The following CLCN4 variants were observed in gnomAD, a reference collection of about 807,000 sequenced individuals.
The protein encoded by CLCN4 is Cl-/H+ antiporter 4, also known as H(+)/Cl(-) exchange transporter 4.
In CLCN4, 1 loss-of-function variant was observed where a neutral mutation model predicts 41.7. The observed-to-expected ratio is 0.02, with a 90% confidence interval of 0.01 to 0.11. The LOEUF is 0.11. Among genes scored for constraint, CLCN4 ranks in the 10% least tolerant of loss-of-function variants. The pLI is 1.00. For missense variants in CLCN4, 287 were observed against 661.0 expected, an observed-to-expected ratio of 0.43 and a Z score of 6.20; for synonymous variants, 277 against 285.8, an observed-to-expected ratio of 0.97 and a Z score of 0.31.
chrX:10,190,761 T>C lies in CLCN4; in HGVS notation c.244+3147T>C, dbSNP rs760497611. On this transcript the variant is annotated intron_variant, in intron 4 of 12. Coordinates refer to ENST00000380833, the MANE Select transcript of CLCN4 (RefSeq NM_001830.4). The stretch of plus-strand genomic sequence containing the variant: ...CTTCAAAACATCATGTTGTATATGA[T>C]TACAACATACAATCTTATGTGTCCA... Among the ~76,000 whole-genome samples the C allele has an allele frequency of 4.5e-5, 5 of 112,252 alleles. No homozygotes were observed. In the Admixed American group the frequency reaches 4.7e-4, roughly 11 times the overall value.
chrX:10,229,386 AATAT>A (rs778644562), intron 12 of CLCN4, among the ~76,000 whole-genome samples: 6 of 102,677 alleles, frequency 5.8e-5, no homozygotes, highest in African/African-American at 1.6e-4. Context: ...AGATTTTTAA[AATAT>A]ATATATATAT....
At chrX:10,175,406 C>G (rs1923493417) in intron 2 of CLCN4, among the ~76,000 whole-genome samples, 1 of 111,309 alleles carries the variant, frequency 9.0e-6, no homozygotes, top group African/African-American at 3.3e-5. Context: ...GCAGTGAAGC[C>G]CCCTCTGAGA....
At chrX:10,221,080 G>T (rs1924848921) in intron 12 of CLCN4, among the ~76,000 whole-genome samples, 1 of 111,336 alleles carries the variant, frequency 9.0e-6, no homozygotes, top group Admixed American at 9.5e-5. Flanking sequence ...CAGAGAAGGG[G>T]GTGGTCCAGG....
At chrX:10,167,144 CT>C (rs1485118766) in intron 2 of CLCN4, among the ~76,000 whole-genome samples, 1 of 112,159 alleles carries the variant, frequency 8.9e-6, no homozygotes, top group Non-Finnish European at 1.9e-5. Flanking sequence ...TCTGAACATC[CT>C]TTTGCTCTGA....
At chrX:10,191,843 A>G (rs2147170848) in intron 4 of CLCN4, among the ~76,000 whole-genome samples, 1 of 108,459 alleles carries the variant, frequency 9.2e-6, no homozygotes, top group South Asian at 4.1e-4. Context: ...CCTGGCCCTT[A>G]TACTTTTTAA....
chrX:10,209,829 CTTT>C (rs58207034), intron 9 of CLCN4, among the ~76,000 whole-genome samples: 1 of 97,635 alleles, frequency 1.0e-5, no homozygotes. Flanking sequence ...GTTATTATAG[CTTT>C]TTTTTTTTTT....
chrX:10,160,520 C>T (rs1373060046), intron 2 of CLCN4, among the ~76,000 whole-genome samples: 2 of 111,333 alleles, frequency 1.8e-5, no homozygotes, highest in African/African-American at 6.5e-5. Context: ...CGTCCCTGGA[C>T]GTAGTCTAAC....
chrX:10,202,758 A>G (rs1466721691), intron 6 of CLCN4, among the ~76,000 whole-genome samples: 1 of 110,149 alleles, frequency 9.1e-6, no homozygotes, highest in Admixed American at 9.8e-5. Context: ...TTTTGTCAGT[A>G]GAACCACTGT....
intron 2 of CLCN4, among the ~76,000 whole-genome samples, chrX:10,163,564 G>A (rs923481201): frequency 1.2e-4 from 13 of 109,807 alleles, no homozygotes; most frequent in African/African-American, 3.0e-4. Context: ...GCACCACCAC[G>A]CCTGGCTAAT....
chrX:10,178,726 C>G (rs1923597475), intron 2 of CLCN4, among the ~76,000 whole-genome samples: 3 of 111,561 alleles, frequency 2.7e-5, no homozygotes, highest in African/African-American at 9.8e-5. Flanking sequence ...GTAGTAGCCA[C>G]TGGGGCCCAT....
chrX:10,165,910 A>G lies in CLCN4; in HGVS notation c.-12+7359A>G, dbSNP rs1281261348. 2.7e-5 allele frequency among the ~76,000 whole-genome samples: 3 copies of G among 112,014 alleles called. No individual in the cohort carries two copies. In the South Asian group the frequency reaches 1.1e-3, roughly 42 times the overall value. On this transcript the variant is annotated intron_variant, in intron 2 of 12. Transcript: ENST00000380833. Reference sequence around the variant, plus strand: ...TCTCTTCACCGTGGCGTCCCGGGCCACCAGGAACAGCACATGAACGCGGTT... The same window carrying G: ...TCTCTTCACCGTGGCGTCCCGGGCCGCCAGGAACAGCACATGAACGCGGTT...
intron 4 of CLCN4, among the ~76,000 whole-genome samples, chrX:10,194,283 A>G (rs909466119): frequency 1.8e-5 from 2 of 111,848 alleles, no homozygotes; most frequent in East Asian, 2.8e-4. Context: ...AAGAGACCCA[A>G]GGCCGCCTTT....
At chrX:10,215,995 T>C (rs946393894) in intron 11 of CLCN4, among the ~76,000 whole-genome samples, 2 of 111,663 alleles carry the variant, frequency 1.8e-5, no homozygotes, top group African/African-American at 6.5e-5. Context: ...CCTGTGGAAA[T>C]AGAAGAGCCC....
chrX:10,200,057 T>G (rs1427616856), intron 6 of CLCN4, among the ~76,000 whole-genome samples: 1 of 112,353 alleles, frequency 8.9e-6, no homozygotes, highest in African/African-American at 3.2e-5. Context: ...GGCCTTCTTG[T>G]TTTTTTATTG....
rs754101660 is a variant in CLCN4 at position 10,197,962 on chromosome X, T to C, written c.456T>C (p.Asn152=). Reference sequence around the variant, plus strand: ...AGGGTGCCAGTGCTTACATTCTGAATTACTTAATGTACATCCTATGGGCGC... The same window carrying C: ...AGGGTGCCAGTGCTTACATTCTGAACTACTTAATGTACATCCTATGGGCGC... ...QSEGASAYIL[N]YLMYILWALL... Residue 152 remains asparagine (N), a synonymous_variant, in exon 6 of 13, where the codon AAT becomes AAC. Coordinates refer to ENST00000380833, the MANE Select transcript of CLCN4 (RefSeq NM_001830.4). 34 of 1,208,111 alleles carry C rather than the reference T, an allele frequency of 2.8e-5. No individual in the cohort carries two copies. The highest frequency in any genetic ancestry group is 3.8e-5 in the Non-Finnish European group (34 of 894,177).
Position 10,213,766 on chromosome X carries a change from G to A in CLCN4, c.1662G>A (p.Ala554=), listed in dbSNP as rs1417370574. 7.4e-6 allele frequency: 9 copies of A among 1,210,412 alleles called. No individual in the cohort carries two copies. The highest frequency in any genetic ancestry group is 2.2e-5 in the Admixed American group (1 of 45,857). ...TGGAGTACATCGTGCCCCTGATGGC[G>A]GCGGCTGTGACCAGCAAGTGGGTAG... ...GGLEYIVPLM[A]AAVTSKWVAD... is the part of the protein sequence containing the mutation. The change falls in exon 11 of 13, where the codon GCG becomes GCA. Residue 554 remains alanine (A), a synonymous_variant. Coordinates refer to ENST00000380833, the MANE Select transcript of CLCN4 (RefSeq NM_001830.4).
intron 2 of CLCN4, among the ~76,000 whole-genome samples, chrX:10,176,754 T>G (rs1923543109): frequency 1.8e-5 from 2 of 112,225 alleles, no homozygotes; most frequent in Non-Finnish European, 3.8e-5. Flanking sequence ...ATAGAGCAAG[T>G]TGGCAAATAA....
At position 10,214,015 on chromosome X, in the gene CLCN4, G is replaced by A. The variant is rs1178852696; in HGVS notation, c.1911G>A (p.Val637=). 1 of 1,205,422 alleles carries A rather than the reference G, an allele frequency of 8.3e-7. No homozygotes were observed. The highest frequency in any genetic ancestry group is 1.7e-5 in the African/African-American group (1 of 57,415). The change falls in exon 11 of 13, where the codon GTG becomes GTA. Residue 637 remains valine (V), a synonymous_variant. Transcript: ENST00000380833. ...KETDYNGFPV[V]VSRDSERLIG... ...CCGACTACAACGGCTTCCCCGTGGTGGTCTCCAGAGACTCCGAGCGCCTCA... is the reference window on the plus strand; with the variant it reads ...CCGACTACAACGGCTTCCCCGTGGTAGTCTCCAGAGACTCCGAGCGCCTCA...
chrX:10,190,856 A>T (rs989744228), intron 4 of CLCN4, among the ~76,000 whole-genome samples: 5 of 112,114 alleles, frequency 4.5e-5, no homozygotes, highest in African/African-American at 6.5e-5. Context: ...AATTATATAT[A>T]TTTGTATATT....
Sources: gnomAD v4.1 joint callset for allele counts (sites outside exome capture counted in the v4.1 genomes callset) on GRCh38, gnomAD v4.1.1 for gene constraint, MANE v1.5 for transcripts, NCBI Gene and HGNC (gene_info 2026-07-23, HGNC 2026-07-21) for gene names.